Variants in SNX18 observed in about 807,000 individuals in gnomAD.
SNX18 encodes the protein sorting nexin 18, also known as sorting nexin-18.
A neutral mutation model predicts 48.7 loss-of-function variants in SNX18; 35 were observed. That is an observed-to-expected ratio of 0.72 (90% confidence interval 0.55 to 0.95). The LOEUF (loss-of-function observed/expected upper bound fraction) is 0.95, where lower values mean the gene tolerates loss of function less well. Ranked by LOEUF, SNX18 falls within the 40% of genes least tolerant of loss-of-function variation. SNX18 has a pLI of 0.00. For synonymous variants in SNX18, 492 were observed against 384.7 expected, an observed-to-expected ratio of 1.28 and a Z score of -3.26; for missense variants, 824 against 871.0, an observed-to-expected ratio of 0.95 and a Z score of 0.68.
At chr5:54,617,550 G>T in the SNX18 span, among the ~76,000 whole-genome samples, 1 of 152,156 alleles carries the variant, frequency 6.6e-6, no homozygotes, top group African/African-American at 2.4e-5. Flanking sequence ...ATAGACTGTG[G>T]GAGGGATGGA....
chr5:54,625,699 A>G, the SNX18 span, among the ~76,000 whole-genome samples: 1 of 152,224 alleles, frequency 6.6e-6, no homozygotes, highest in Admixed American at 6.5e-5. Context: ...GACAGGAACC[A>G]ACGGAGGCCA....
the SNX18 span, among the ~76,000 whole-genome samples, chr5:54,555,794 T>G: frequency 7.0e-6 from 1 of 143,838 alleles, no homozygotes; most frequent in East Asian, 2.0e-4. Context: ...ACCACTGCAC[T>G]CCAACCTGGG....
chr5:54,589,479 G>C, the SNX18 span, among the ~76,000 whole-genome samples: 1 of 152,154 alleles, frequency 6.6e-6, no homozygotes, highest in Non-Finnish European at 1.5e-5. Flanking sequence ...AAGAAGTGGG[G>C]TAAAAAGCAA....
chr5:54,568,723 T>C, the SNX18 span, among the ~76,000 whole-genome samples: 1 of 152,144 alleles, frequency 6.6e-6, no homozygotes, highest in Non-Finnish European at 1.5e-5. Flanking sequence ...AATTGAAGAA[T>C]CATTTGTGTG....
chr5:54,548,568 C>T (rs1314420658), downstream of SNX18, among the ~76,000 whole-genome samples: 1 of 152,144 alleles, frequency 6.6e-6, no homozygotes, highest in East Asian at 1.9e-4. Flanking sequence ...CAGCTCTGAC[C>T]CTCAGTTTCC....
chr5:54,632,814 G>A, the SNX18 span, among the ~76,000 whole-genome samples: 896 of 151,658 alleles, frequency 5.9e-3, 12 homozygotes, highest in African/African-American at 0.02. Context: ...TTGCTCTGTC[G>A]CCAGGCTGGA....
At chr5:54,599,286 A>G in the SNX18 span, among the ~76,000 whole-genome samples, 1 of 152,230 alleles carries the variant, frequency 6.6e-6, no homozygotes, top group East Asian at 1.9e-4. Context: ...GAAATGAAGG[A>G]CCTCTTCAAG....
the SNX18 span, among the ~76,000 whole-genome samples, chr5:54,606,662 T>C: frequency 2.6e-5 from 4 of 152,382 alleles, no homozygotes; most frequent in Non-Finnish European, 4.4e-5. Context: ...TAGGTTTATA[T>C]GCAATTTTAA....
chr5:54,534,922 C>T (rs1168344665), intron 1 of SNX18, among the ~76,000 whole-genome samples: 1 of 152,110 alleles, frequency 6.6e-6, no homozygotes, highest in Non-Finnish European at 1.5e-5. Flanking sequence ...CATTGAAATC[C>T]TAAGTGTTAG....
the SNX18 span, among the ~76,000 whole-genome samples, chr5:54,617,601 T>G: frequency 1.4e-3 from 211 of 152,278 alleles, no homozygotes; most frequent in Middle Eastern, 0.02. Context: ...GTTTTGACCC[T>G]CAAGAAACAC....
At chr5:54,565,586 C>T in the SNX18 span, among the ~76,000 whole-genome samples, 624 of 152,042 alleles carry the variant, frequency 4.1e-3, 5 homozygotes, top group African/African-American at 0.013. Flanking sequence ...AAAAAAAGTA[C>T]AGTAAATATT....
chr5:54,550,614 T>C (rs1008471527), downstream of SNX18, among the ~76,000 whole-genome samples: 1 of 152,206 alleles, frequency 6.6e-6, no homozygotes, highest in African/African-American at 2.4e-5. Flanking sequence ...GATGGAGTCT[T>C]GGTCTGTCGC....
At chr5:54,612,196 T>C in the SNX18 span, among the ~76,000 whole-genome samples, 1 of 152,168 alleles carries the variant, frequency 6.6e-6, no homozygotes, top group African/African-American at 2.4e-5. Flanking sequence ...AGTTATTGCT[T>C]TGGCAGAGGA....
the SNX18 span, among the ~76,000 whole-genome samples, chr5:54,555,758 C>T: frequency 7.4e-5 from 11 of 149,604 alleles, no homozygotes; most frequent in South Asian, 2.1e-4. Context: ...ACCCAGAAGG[C>T]GGAGGTTGCA....
At position 54,518,681 on chromosome 5, in the gene SNX18, C is replaced by T. The variant is rs768296088; in HGVS notation, c.729C>T (p.Phe243=). 5.7e-6 allele frequency: 9 copies of T among 1,567,232 alleles called. No individual in the cohort carries two copies. Among genetic ancestry groups the T allele is most frequent in the South Asian group, 1.2e-5 (1 of 84,058 alleles). The change falls in exon 1 of 2, where the codon TTC becomes TTT. Residue 243 remains phenylalanine (F), a synonymous_variant. Coordinates refer to ENST00000381410, the MANE Select transcript of SNX18 (RefSeq NM_001102575.2). ...TCGTCAAGTCCGGCGGGGAGGCCTT[C>T]GTGCTGGGGGAGGCGTCAGGCTTCG... is the stretch of plus-strand genomic sequence containing the variant. ...STFVKSGGEA[F]VLGEASGFVK...
the SNX18 span, among the ~76,000 whole-genome samples, chr5:54,625,727 G>A: frequency 6.6e-6 from 1 of 152,176 alleles, no homozygotes; most frequent in African/African-American, 2.4e-5. Flanking sequence ...GGCTGTCTAG[G>A]GGAAATCATC....
intron 1 of SNX18, among the ~76,000 whole-genome samples, chr5:54,533,252 C>T (rs1762284310): frequency 6.6e-6 from 1 of 152,128 alleles, no homozygotes; most frequent in South Asian, 2.1e-4. Flanking sequence ...TAGTTATTAG[C>T]TTTAGGGACC....
At chr5:54,557,867 CCCATGTA>C in the SNX18 span, among the ~76,000 whole-genome samples, 1 of 152,124 alleles carries the variant, frequency 6.6e-6, no homozygotes, top group Non-Finnish European at 1.5e-5. Flanking sequence ...GTTGGACGCT[CCCATGTA>C]TTGTCTTTTT....
chr5:54,554,254 C>T, the SNX18 span, among the ~76,000 whole-genome samples: 1 of 152,056 alleles, frequency 6.6e-6, no homozygotes, highest in Non-Finnish European at 1.5e-5. Flanking sequence ...ATTTTTGGAC[C>T]CTGGCTTTAC....
Sources: gnomAD v4.1 joint callset for allele counts (sites outside exome capture counted in the v4.1 genomes callset) on GRCh38, gnomAD v4.1.1 for gene constraint, MANE v1.5 for transcripts, NCBI Gene and HGNC (gene_info 2026-07-23, HGNC 2026-07-21) for gene names.